Variants in CEBPZOS observed in about 807,000 individuals in gnomAD.
CEBPZOS encodes the protein protein CEBPZOS.
In CEBPZOS, 10 loss-of-function variants were observed where a neutral mutation model predicts 4.8. The observed-to-expected ratio is 2.07, with a 90% CI of 1.28 to 3.52. The LOEUF is 3.52. Among genes scored for constraint, CEBPZOS ranks in the 30% most tolerant of loss-of-function variants. The pLI is 0.00. For missense variants in CEBPZOS, 98 were observed against 43.6 expected (o/e 2.25, Z -3.51); for synonymous variants, 25 against 14.2 (o/e 1.77, Z -1.72).
chr2:37,213,798 A>T, downstream of CEBPZOS: 4 of 1,048,476 alleles, frequency 3.8e-6, no homozygotes, highest in Non-Finnish European at 4.2e-6. Context: ...TTCTCCCACT[A>T]ATGTTCCATG....
chr2:37,208,337 A>G (rs560718690), downstream of CEBPZOS, among the ~76,000 whole-genome samples: 7 of 152,270 alleles, frequency 4.6e-5, no homozygotes, highest in South Asian at 1.2e-3. Flanking sequence ...AGGAAATGAC[A>G]TAACAAAAGA....
chr2:37,207,606 C>T (rs906428152), downstream of CEBPZOS, among the ~76,000 whole-genome samples: 1 of 151,768 alleles, frequency 6.6e-6, no homozygotes, highest in Non-Finnish European at 1.5e-5. Context: ...TTGAACTGAA[C>T]AATAGTGACA....
chr2:37,198,869 G>C (rs567685531), intron 1 of CEBPZOS, among the ~76,000 whole-genome samples: 2 of 152,218 alleles, frequency 1.3e-5, no homozygotes, highest in East Asian at 1.9e-4. Context: ...GCGTGTCTGC[G>C]AAAGGGCAGA....
chr2:37,207,147 T>C (rs1431400312), downstream of CEBPZOS, among the ~76,000 whole-genome samples: 1 of 152,134 alleles, frequency 6.6e-6, no homozygotes, highest in African/African-American at 2.4e-5. Context: ...CTTCCAAATT[T>C]ATAAAACCAT....
At chr2:37,214,272 T>C (rs1383578881), downstream of CEBPZOS, among the ~76,000 whole-genome samples, 1 of 152,120 alleles carries the variant, frequency 6.6e-6, no homozygotes, top group Non-Finnish European at 1.5e-5. Context: ...TTCTAAATGA[T>C]TTTAAAAAAC....
Position 37,204,721 on chromosome 2 carries a change from A to G in CEBPZOS, c.*2861A>G, listed in dbSNP as rs1677470869. Reference sequence around the variant, plus strand: ...TTAGTAAATTAATAAATCTGAATCAATTAATAAATCTGTTTAAAATTCCTT... The same window carrying G: ...TTAGTAAATTAATAAATCTGAATCAGTTAATAAATCTGTTTAAAATTCCTT... On this transcript the variant is annotated 3_prime_UTR_variant, in exon 5 of 5. Coordinates refer to ENST00000402297, the MANE Select transcript of CEBPZOS (RefSeq NM_001322374.2). 6.6e-6 allele frequency: 1 copy of G among 152,214 alleles called. No homozygotes were observed. Among genetic ancestry groups the G allele is most frequent in the Non-Finnish European group, 1.5e-5 (1 of 68,030 alleles). 9.4% of individuals were successfully genotyped at this position (152,214 alleles called of 1,614,324 possible).
chr2:37,203,944 A>G lies in CEBPZOS; in HGVS notation c.*2084A>G, dbSNP rs1489934757. ...ACATTTTGCTTATCAGTTAATGGACATTTAGGTTTTGTCTACTTTTTGGCA... is the reference window on the plus strand; with the variant it reads ...ACATTTTGCTTATCAGTTAATGGACGTTTAGGTTTTGTCTACTTTTTGGCA... On this transcript the variant is annotated 3_prime_UTR_variant, in exon 5 of 5. Transcript: ENST00000402297. The G allele has an allele frequency of 1.3e-5, 2 of 152,176 alleles. No homozygotes were observed. Among genetic ancestry groups the G allele is most frequent in the Non-Finnish European group, 2.9e-5 (2 of 68,034 alleles). The allele number at this position is 152,176 out of a possible 1,614,324, so 9.4% of individuals were successfully genotyped here. A position where few individuals can be genotyped will look rare whatever the true frequency, so the allele number is the denominator to read the frequency against.
At chr2:37,201,446 C>G in intron 3 of CEBPZOS, 196 bp from the exon 4 acceptor site, 1 of 543,728 alleles carries the variant, frequency 1.8e-6, no homozygotes, top group Non-Finnish European at 3.3e-6. Context: ...AAGATGACAT[C>G]ATGTAGTTAG....
chr2:37,196,914 G>A (rs990978342), intron 1 of CEBPZOS, among the ~76,000 whole-genome samples: 2 of 152,224 alleles, frequency 1.3e-5, no homozygotes, highest in Non-Finnish European at 2.9e-5. Context: ...CCTCTGCACA[G>A]CTAGGCTGGG....
chr2:37,215,240 T>C (rs930816240), downstream of CEBPZOS: 4 of 245,870 alleles, frequency 1.6e-5, no homozygotes, highest in Non-Finnish European at 3.1e-5. Flanking sequence ...TTCATTTGCA[T>C]CCAGGACCCA....
At position 37,203,740 on chromosome 2, in the gene CEBPZOS, G is replaced by T. The variant is rs1484943248; in HGVS notation, c.*1880G>T. On this transcript the variant is annotated 3_prime_UTR_variant, in exon 5 of 5. Coordinates refer to ENST00000402297, the MANE Select transcript of CEBPZOS (RefSeq NM_001322374.2). ...ATTTGTAGTCCTCCAACCCATCTCC[G>T]ATCTATCTTGTTTCTATGACTTGCC... The T allele has an allele frequency of 1.3e-5, 2 of 152,136 alleles. No individual in the cohort carries two copies. The highest frequency in any genetic ancestry group is 2.9e-5 in the Non-Finnish European group (2 of 68,020). The allele number at this position is 152,136 out of a possible 1,614,324, so 9.4% of individuals were successfully genotyped here. A position where few individuals can be genotyped will look rare whatever the true frequency, so the allele number is the denominator to read the frequency against.
At chr2:37,200,727 G>A (rs1016125057) in intron 2 of CEBPZOS, among the ~76,000 whole-genome samples, 1 of 152,036 alleles carries the variant, frequency 6.6e-6, no homozygotes, top group Non-Finnish European at 1.5e-5. Flanking sequence ...GGAGGTTGAG[G>A]TAGGAGGCTC....
chr2:37,197,468 A>G (rs1677001923), intron 1 of CEBPZOS: 1 of 152,282 alleles, frequency 6.6e-6, no homozygotes, highest in South Asian at 2.1e-4. Context: ...TGGCCTACAG[A>G]TGGACTTTAT....
intron 1 of CEBPZOS, among the ~76,000 whole-genome samples, chr2:37,198,948 G>A (rs1340473530): frequency 2.0e-5 from 3 of 151,808 alleles, no homozygotes; most frequent in African/African-American, 7.3e-5. Context: ...GAGCTCACGG[G>A]TTCGAGACCA....
In CEBPZOS at chr2:37,202,603, C is replaced by G. The variant is rs1677308971; in HGVS notation, c.*743C>G. ...GAGGTTGCAGTGAGCCAAGATCATG[C>G]CACTGCATTCCAACCTGGGCAAGGG... is the stretch of plus-strand genomic sequence containing the variant. On this transcript the variant is annotated 3_prime_UTR_variant, in exon 5 of 5. Coordinates refer to ENST00000402297, the MANE Select transcript of CEBPZOS (RefSeq NM_001322374.2). The G allele has an allele frequency of 5.4e-6, 2 of 371,826 alleles. No individual in the cohort carries two copies. The highest frequency in any genetic ancestry group is 2.8e-5 in the African/African-American group (1 of 35,858). The allele number at this position is 371,826 out of a possible 1,614,324, so 23.0% of individuals were successfully genotyped here.
downstream of CEBPZOS, among the ~76,000 whole-genome samples, chr2:37,206,909 C>T (rs1677557978): frequency 6.6e-6 from 1 of 152,130 alleles, no homozygotes; most frequent in Non-Finnish European, 1.5e-5. Context: ...TCAGGAGACT[C>T]ACGTAACACA....
At position 37,202,402 on chromosome 2, in the gene CEBPZOS, TG is replaced by T. The variant is rs1677296789; in HGVS notation, c.*545del. On this transcript the variant is annotated 3_prime_UTR_variant, in exon 5 of 5. Coordinates refer to ENST00000402297, the MANE Select transcript of CEBPZOS (RefSeq NM_001322374.2). ...GCTCACACCAGTAATCTCAGCACTT[TG>T]GGAGGCCGAGGCAGGCGGGTCACTT... 5.9e-6 allele frequency: 1 copy of T among 169,828 alleles called. No individual in the cohort carries two copies. The highest frequency in any genetic ancestry group is 1.4e-4 in the South Asian group (1 of 7,320). 10.5% of individuals were successfully genotyped at this position (169,828 alleles called of 1,614,324 possible).
chr2:37,211,370 G>C (rs1282350036), intron 4 of CEBPZOS: 1 of 264,926 alleles, frequency 3.8e-6, no homozygotes, highest in African/African-American at 2.2e-5. Flanking sequence ...CTGTGGTTCA[G>C]AATAAGTAAG....
At chr2:37,199,946 A>AG in intron 2 of CEBPZOS, 127 bp downstream of exon 2, 1 of 617,638 alleles carries the variant, frequency 1.6e-6, no homozygotes, top group Non-Finnish European at 2.9e-6. Flanking sequence ...AGACATTTTT[A>AG]GGGGCAGAAC....
Sources: allele counts gnomAD v4.1 joint callset (sites outside exome capture counted in the v4.1 genomes callset), GRCh38; gene constraint gnomAD v4.1.1; transcripts MANE v1.5; gene names NCBI Gene and HGNC (gene_info 2026-07-23, HGNC 2026-07-21).